The following ARHGAP17 variants were observed in gnomAD, a reference collection of about 807,000 sequenced individuals.
The protein encoded by ARHGAP17 is rho GTPase-activating protein 17.
In ARHGAP17, 57 loss-of-function variants were observed where a neutral mutation model predicts 99.5. The observed-to-expected ratio is 0.57, with a 90% CI of 0.46 to 0.71. The LOEUF (loss-of-function observed/expected upper bound fraction) is 0.71, where lower values mean the gene tolerates loss of function less well. Among genes scored for constraint, ARHGAP17 ranks in the 30% least tolerant of loss-of-function variants. The probability of loss-of-function intolerance (pLI) is 0.00; values close to 1 mark genes in which losing one functional copy is unlikely to be tolerated. For synonymous variants in ARHGAP17, 417 were observed against 429.6 expected, an observed-to-expected ratio of 0.97 and a Z score of 0.36; for missense variants, 1,000 against 1,122.4, an observed-to-expected ratio of 0.89 and a Z score of 1.56.
At chr16:24,992,525 G>A (rs369038422) in intron 1 of ARHGAP17, among the ~76,000 whole-genome samples, 9 of 151,850 alleles carry the variant, frequency 5.9e-5, no homozygotes, top group African/African-American at 2.2e-4. Context: ...TAGTAGAGAT[G>A]GGGTTTCACC....
chr16:24,997,013 G>C (rs1390574494), intron 1 of ARHGAP17, among the ~76,000 whole-genome samples: 1 of 152,176 alleles, frequency 6.6e-6, no homozygotes, highest in Non-Finnish European at 1.5e-5. Flanking sequence ...CCTATAAAAG[G>C]GATAACACTA....
At chr16:24,971,927 A>C (rs2052377388) in intron 3 of ARHGAP17, among the ~76,000 whole-genome samples, 1 of 152,218 alleles carries the variant, frequency 6.6e-6, no homozygotes, top group Non-Finnish European at 1.5e-5. Context: ...TGTCTTCCCT[A>C]CGGGCCAATG....
intron 19 of ARHGAP17, among the ~76,000 whole-genome samples, chr16:24,924,441 T>TG (rs913598208): frequency 1.4e-4 from 11 of 76,666 alleles, no homozygotes; most frequent in Non-Finnish European, 7.3e-5. Flanking sequence ...GTCTCTTTTC[T>TG]GTTTTTTTTT....
intron 18 of ARHGAP17, among the ~76,000 whole-genome samples, chr16:24,934,475 A>T (rs1180299504): frequency 6.9e-6 from 1 of 145,688 alleles, no homozygotes; most frequent in Non-Finnish European, 1.5e-5. Context: ...TATTTTAGAG[A>T]TGGGGTCTCA....
chr16:24,964,598 TCCATGGAACCCCTTTCTTGTGGTGGCCAA>T (rs2052116428), intron 6 of ARHGAP17, among the ~76,000 whole-genome samples: 1 of 150,528 alleles, frequency 6.6e-6, no homozygotes, highest in Admixed American at 6.7e-5. Flanking sequence ...TGGAGAGAAA[TCCATGGAACCCCTTTCTTGTGGTGGCCAA>T]CCATGGAATC....
rs376461234 is a variant in ARHGAP17, at chr16:24,942,097, C to T, written c.1380G>A (p.Pro460=). The part of the protein sequence containing the change: ...VSEAFVPLTT[P]SSNHSFHTGN... ...CAGTGTGGAATGAGTGATTAGAACT[C>T]GGGGTGGTGAGAGGTACAAATGCTT... Residue 460 remains proline (P), a synonymous_variant, in exon 16 of 20, where the codon CCG becomes CCA. Coordinates refer to ENST00000289968, the MANE Select transcript of ARHGAP17 (RefSeq NM_001006634.3). 9.0e-6 allele frequency: 14 copies of T among 1,561,058 alleles called. No homozygotes were observed. The highest frequency in any genetic ancestry group is 2.4e-5 in the East Asian group (1 of 41,148).
chr16:24,919,552 A>G lies in ARHGAP17; in HGVS notation c.*578T>C, dbSNP rs1032909746. ...CAACGAGGCGGCATGGGTCACATCCAGTTTGATGAGGTGACAGAGCCAGCA... is the reference window on the plus strand; with the variant it reads ...CAACGAGGCGGCATGGGTCACATCCGGTTTGATGAGGTGACAGAGCCAGCA... On this transcript the variant is annotated 3_prime_UTR_variant, in exon 20 of 20. Transcript: ENST00000289968. 2.0e-5 allele frequency: 3 copies of G among 152,304 alleles called. No individual in the cohort carries two copies. The highest frequency in any genetic ancestry group is 4.8e-5 in the African/African-American group (2 of 41,388). The allele number at this position is 152,304 out of a possible 1,614,324, so 9.4% of individuals were successfully genotyped here.
chr16:24,976,391 A>C (rs1284462699), intron 3 of ARHGAP17, among the ~76,000 whole-genome samples: 1 of 152,084 alleles, frequency 6.6e-6, no homozygotes, highest in Non-Finnish European at 1.5e-5. Flanking sequence ...TTAGCCAGGC[A>C]TGGTGGTGTG....
intron 16 of ARHGAP17, among the ~76,000 whole-genome samples, chr16:24,940,855 A>G (rs958161749): frequency 2.0e-5 from 3 of 152,260 alleles, no homozygotes; most frequent in Non-Finnish European, 4.4e-5. Context: ...AAGTAAAAAG[A>G]TACCTGGCTT....
intron 1 of ARHGAP17, among the ~76,000 whole-genome samples, chr16:25,010,503 C>T (rs2053617146): frequency 6.6e-6 from 1 of 152,288 alleles, no homozygotes; most frequent in South Asian, 2.1e-4. Context: ...ACTATCAGAC[C>T]TTTTCAAGAT....
intron 1 of ARHGAP17, among the ~76,000 whole-genome samples, chr16:25,012,171 T>C (rs1038932886): frequency 1.3e-5 from 2 of 152,184 alleles, no homozygotes; most frequent in African/African-American, 4.8e-5. Context: ...GCAGGTGGAC[T>C]AAAAGAACCA....
chr16:24,984,399 G>C (rs578227673), intron 1 of ARHGAP17, among the ~76,000 whole-genome samples: 2 of 152,296 alleles, frequency 1.3e-5, no homozygotes, highest in South Asian at 4.1e-4. Context: ...GGGCGCAGTG[G>C]CTCACGCCTG....
chr16:24,979,885 A>G (rs2052622468), intron 1 of ARHGAP17, among the ~76,000 whole-genome samples: 1 of 151,980 alleles, frequency 6.6e-6, no homozygotes, highest in South Asian at 2.1e-4. Flanking sequence ...TAATTTTTGT[A>G]TTTTTAGAAG....
intron 1 of ARHGAP17, among the ~76,000 whole-genome samples, chr16:24,981,183 C>A (rs2052664665): frequency 6.6e-6 from 1 of 151,962 alleles, no homozygotes; most frequent in South Asian, 2.1e-4. Context: ...TACTTGAAAT[C>A]AAAAACATAA....
At chr16:24,934,926 C>T (rs1307320963) in intron 18 of ARHGAP17, among the ~76,000 whole-genome samples, 2 of 152,120 alleles carry the variant, frequency 1.3e-5, no homozygotes, top group Non-Finnish European at 2.9e-5. Flanking sequence ...CAGAGGTAGG[C>T]CCCACCAAAG....
At chr16:24,968,220 G>T in intron 6 of ARHGAP17, 131 bp downstream of exon 6, 1 of 951,924 alleles carries the variant, frequency 1.1e-6, no homozygotes, top group East Asian at 2.5e-5. Context: ...AGGAGGTGCT[G>T]GCAGGCTGGC....
At chr16:24,988,055 C>T (rs979828577) in intron 1 of ARHGAP17, among the ~76,000 whole-genome samples, 9 of 152,168 alleles carry the variant, frequency 5.9e-5, no homozygotes, top group Non-Finnish European at 1.3e-4. Context: ...TGTCACCTCC[C>T]GTTACAAGTG....
At chr16:25,010,784 TG>T (rs751606773) in intron 1 of ARHGAP17, among the ~76,000 whole-genome samples, 4 of 152,256 alleles carry the variant, frequency 2.6e-5, no homozygotes, top group Non-Finnish European at 4.4e-5. Flanking sequence ...GCAGCCCCTT[TG>T]GTGGGACACA....
At chr16:25,004,343 C>A (rs2053450976) in intron 1 of ARHGAP17, among the ~76,000 whole-genome samples, 1 of 152,180 alleles carries the variant, frequency 6.6e-6, no homozygotes, top group Non-Finnish European at 1.5e-5. Context: ...CTCAGAGACT[C>A]CCCTGCTTTG....
Sources: allele counts gnomAD v4.1 joint callset (sites outside exome capture counted in the v4.1 genomes callset), GRCh38; gene constraint gnomAD v4.1.1; transcripts MANE v1.5; gene names NCBI Gene and HGNC (gene_info 2026-07-23, HGNC 2026-07-21).